Variants in KCNIP4 observed in about 807,000 individuals in gnomAD.
KCNIP4 encodes potassium voltage-gated channel interacting protein 4, also known as Kv channel-interacting protein 4.
A neutral mutation model predicts 34.0 loss-of-function variants in KCNIP4; 12 were observed. That is an observed-to-expected ratio of 0.35 (90% CI 0.23 to 0.57). KCNIP4 has a LOEUF of 0.57. Among genes scored for constraint, KCNIP4 ranks in the 20% least tolerant of loss-of-function variants. The probability of loss-of-function intolerance (pLI) is 0.83; values close to 1 mark genes in which losing one functional copy is unlikely to be tolerated. For synonymous variants in KCNIP4, 124 were observed against 102.2 expected, an observed-to-expected ratio of 1.21 and a Z score of -1.29; for missense variants, 238 against 311.7, an observed-to-expected ratio of 0.76 and a Z score of 1.78.
At chr4:21,903,154 A>G (rs1727800867) in intron 1 of KCNIP4, among the ~76,000 whole-genome samples, 2 of 152,182 alleles carry the variant, frequency 1.3e-5, no homozygotes, top group Non-Finnish European at 2.9e-5. Flanking sequence ...GATTGTGTCT[A>G]CAACATGTAC....
At chr4:21,196,918 G>T (rs1032105439) in intron 1 of KCNIP4, among the ~76,000 whole-genome samples, 1 of 152,076 alleles carries the variant, frequency 6.6e-6, no homozygotes, top group Non-Finnish European at 1.5e-5. Flanking sequence ...ATTATCAGCT[G>T]ATCATCTGTC....
At chr4:21,383,046 G>T (rs773010394) in intron 1 of KCNIP4, among the ~76,000 whole-genome samples, 1 of 152,140 alleles carries the variant, frequency 6.6e-6, no homozygotes, top group Non-Finnish European at 1.5e-5. Flanking sequence ...TGTGACTTGT[G>T]CCTATTGTCA....
At chr4:20,792,904 T>G (rs920158556) in intron 3 of KCNIP4, among the ~76,000 whole-genome samples, 6 of 152,150 alleles carry the variant, frequency 3.9e-5, no homozygotes, top group Admixed American at 3.3e-4. Flanking sequence ...TCCACCAACT[T>G]GAATGAAATA....
intron 1 of KCNIP4, among the ~76,000 whole-genome samples, chr4:21,672,069 T>G (rs57251695): frequency 0.032 from 4,858 of 152,202 alleles, 224 homozygotes; most frequent in African/African-American, 0.1. Flanking sequence ...AGATAGATCA[T>G]ATTTAAGATA....
In KCNIP4 at chr4:21,065,726, CTATATATATATATA is replaced by C. The variant is rs5856598; in HGVS notation, c.62-183031_62-183018del. 2.0e-3 allele frequency among the ~76,000 whole-genome samples: 172 copies of C among 86,348 alleles called. 1 individual carries two copies. The highest frequency in any genetic ancestry group is 5.1e-3 in the African/African-American group (117 of 23,070). 56.6% of individuals were successfully genotyped at this position (86,348 alleles called of 152,430 possible). On this transcript the variant is annotated intron_variant, in intron 1 of 8. Transcript: ENST00000382152. ...TATATCATAGATTGGTATCATTTGT[CTATATATATATATA>C]TATATATATATATATATATATATAT...
chr4:20,975,186 A>T (rs1560614706), intron 1 of KCNIP4, among the ~76,000 whole-genome samples: 2 of 152,126 alleles, frequency 1.3e-5, no homozygotes, highest in African/African-American at 2.4e-5. Flanking sequence ...CTACTTATAG[A>T]TCTTTTATTT....
intron 1 of KCNIP4, among the ~76,000 whole-genome samples, chr4:21,372,462 A>G (rs1720557720): frequency 6.8e-6 from 1 of 146,824 alleles, no homozygotes; most frequent in Non-Finnish European, 1.5e-5. Flanking sequence ...ATGTGTGTGT[A>G]TACAACATAT....
At chr4:21,521,393 G>T (rs767604334) in intron 1 of KCNIP4, among the ~76,000 whole-genome samples, 4 of 152,064 alleles carry the variant, frequency 2.6e-5, no homozygotes, top group African/African-American at 7.2e-5. Context: ...CTTCATGAAC[G>T]GACTTAACAC....
intron 2 of KCNIP4, among the ~76,000 whole-genome samples, chr4:20,872,451 C>T (rs1723580063): frequency 6.6e-6 from 1 of 152,072 alleles, no homozygotes; most frequent in African/African-American, 2.4e-5. Flanking sequence ...GAAGGCTAAA[C>T]TTGAACCCTG....
chr4:21,090,890 A>G (rs978497895), intron 1 of KCNIP4, among the ~76,000 whole-genome samples: 7 of 152,244 alleles, frequency 4.6e-5, no homozygotes, highest in Non-Finnish European at 8.8e-5. Flanking sequence ...TACAAAGAAT[A>G]CAGAGCAAAA....
chr4:20,829,078 G>A (rs1578718474), intron 3 of KCNIP4, among the ~76,000 whole-genome samples: 2 of 152,176 alleles, frequency 1.3e-5, no homozygotes, highest in African/African-American at 2.4e-5. Context: ...ACCGGCAGAG[G>A]TCCATCTTTA....
chr4:21,297,823 G>C (rs1763930431), intron 1 of KCNIP4, among the ~76,000 whole-genome samples: 1 of 151,806 alleles, frequency 6.6e-6, no homozygotes. Flanking sequence ...AAAAAAAAAT[G>C]AATCAGATTC....
chr4:21,581,845 C>T (rs1486589471), intron 1 of KCNIP4, among the ~76,000 whole-genome samples: 2 of 151,860 alleles, frequency 1.3e-5, no homozygotes, highest in Non-Finnish European at 2.9e-5. Context: ...TACAAATACC[C>T]CCTATTTACA....
At chr4:20,984,080 C>A in intron 1 of KCNIP4, 2 of 1,244,742 alleles carry the variant, frequency 1.6e-6, no homozygotes, top group Non-Finnish European at 2.2e-6. Flanking sequence ...CGGCGGCCCC[C>A]CGGGGTGAGG....
At chr4:21,879,108 T>C (rs2109380537) in intron 1 of KCNIP4, among the ~76,000 whole-genome samples, 1 of 152,202 alleles carries the variant, frequency 6.6e-6, no homozygotes, top group Middle Eastern at 3.4e-3. Flanking sequence ...CAGTAGCTTT[T>C]CCCCCCTTAG....
In KCNIP4 at chr4:21,836,668, T is replaced by C. The variant is rs950060285; in HGVS notation, c.61+111903A>G. Among the ~76,000 whole-genome samples the C allele has an allele frequency of 3.3e-5, 5 of 152,256 alleles. No homozygotes were observed. The South Asian group carries it at 6.2e-4, about 19-fold the overall frequency. On this transcript the variant is annotated intron_variant, in intron 1 of 8. Transcript: ENST00000382152. ...TCTAAAGGACAGGGGAATGTTGTTA[T>C]GGAAAGAAATAATGGAAAATCCAGT...
At chr4:20,847,535 T>A (rs1316943419) in intron 3 of KCNIP4, among the ~76,000 whole-genome samples, 1 of 134,330 alleles carries the variant, frequency 7.4e-6, no homozygotes, top group African/African-American at 2.6e-5. Context: ...TCTGTCTCTA[T>A]CAGCTGCTCA....
At chr4:21,838,765 T>C (rs559323686) in intron 1 of KCNIP4, among the ~76,000 whole-genome samples, 93 of 152,246 alleles carry the variant, frequency 6.1e-4, no homozygotes, top group African/African-American at 2.0e-3. Context: ...TCTGGATCCT[T>C]AGAAAAAAAC....
At chr4:21,425,008 G>A (rs1725814745) in intron 1 of KCNIP4, among the ~76,000 whole-genome samples, 2 of 152,252 alleles carry the variant, frequency 1.3e-5, no homozygotes, top group South Asian at 4.1e-4. Context: ...GAGATAAAAT[G>A]TATTCAGTAC....
Sources: allele counts gnomAD v4.1 joint callset (sites outside exome capture counted in the v4.1 genomes callset), GRCh38; gene constraint gnomAD v4.1.1; transcripts MANE v1.5; gene names NCBI Gene and HGNC (gene_info 2026-07-23, HGNC 2026-07-21).